VSNL1: variants seen among roughly 807,000 people sequenced by gnomAD.
The protein encoded by VSNL1 is visinin like 1, also known as visinin-like protein 1.
VSNL1 carries 6 observed loss-of-function variants against 20.4 expected under a neutral mutation model. The observed-to-expected ratio is 0.29, with a 90% CI of 0.16 to 0.58. VSNL1 has a LOEUF of 0.58. Among genes scored for constraint, VSNL1 ranks in the 20% least tolerant of loss-of-function variants. VSNL1 has a pLI of 0.90. For missense variants in VSNL1, 100 were observed against 234.5 expected (o/e 0.43, Z 3.75); for synonymous variants, 93 against 86.4 (o/e 1.08, Z -0.42).
intron 1 of VSNL1, among the ~76,000 whole-genome samples, chr2:17,563,277 G>T (rs529811530): frequency 3.3e-5 from 5 of 152,318 alleles, no homozygotes; most frequent in African/African-American, 1.2e-4. Flanking sequence ...AACAGAAGAG[G>T]ATAGTGAGGC....
In VSNL1 at chr2:17,592,167, CA is replaced by C. The variant is rs1445296842; in HGVS notation, c.96del (p.Gly33AspfsTer11). 1.2e-6 allele frequency: 2 copies of C among 1,613,766 alleles called. No individual in the cohort carries two copies. Among genetic ancestry groups the C allele is most frequent in the African/African-American group, 2.7e-5 (2 of 74,888 alleles). On this transcript the variant is annotated frameshift_variant, in exon 2 of 4. Transcript: ENST00000295156. LOFTEE classifies it high-confidence loss of function. Reference sequence around the variant, plus strand: ...ATGAGCATGAACTCAAGCAGTGGTACAAAGGATTTCTCAAGGACTGTCCAAG... The same window carrying C: ...ATGAGCATGAACTCAAGCAGTGGTACAAGGATTTCTCAAGGACTGTCCAAG... The part of the protein sequence containing the change: ...FNEHELKQWY[K>X]GFLKDCPSGR...
At chr2:17,540,448 A>G (rs747150758), upstream of VSNL1, among the ~76,000 whole-genome samples, 1 of 152,198 alleles carries the variant, frequency 6.6e-6, no homozygotes, top group South Asian at 2.1e-4. Context: ...CTTTTCCTAT[A>G]TACTTTCCTT....
intron 1 of VSNL1, among the ~76,000 whole-genome samples, chr2:17,583,224 C>T (rs889256934): frequency 2.6e-5 from 4 of 152,180 alleles, no homozygotes; most frequent in African/African-American, 7.2e-5. Flanking sequence ...AATGCAAAGA[C>T]AGGGGTTGCA....
At chr2:17,633,830 A>G (rs1665692233) in intron 2 of VSNL1, among the ~76,000 whole-genome samples, 1 of 152,106 alleles carries the variant, frequency 6.6e-6, no homozygotes, top group South Asian at 2.1e-4. Context: ...TATGGGGTGG[A>G]AAGGAAAGAG....
At chr2:17,606,492 C>G (rs149026016) in intron 2 of VSNL1, among the ~76,000 whole-genome samples, 2 of 152,302 alleles carry the variant, frequency 1.3e-5, no homozygotes, top group Non-Finnish European at 2.9e-5. Context: ...CTGACAGTGC[C>G]TACACTTCTA....
rs551297439 is a variant in VSNL1 at position 17,637,455 on chromosome 2, T to C, written c.163-11955T>C. Reference sequence around the variant, plus strand: ...ATCTGCCCAGGCTGGGCTTTGTTTCTGTTTCCCACAGCACCTCCTGTACGC... The same window carrying C: ...ATCTGCCCAGGCTGGGCTTTGTTTCCGTTTCCCACAGCACCTCCTGTACGC... On this transcript the variant is annotated intron_variant, in intron 2 of 3. Coordinates refer to ENST00000295156, the MANE Select transcript of VSNL1 (RefSeq NM_003385.5). Among the ~76,000 whole-genome samples the C allele has an allele frequency of 7.2e-5, 11 of 152,278 alleles. No homozygotes were observed. In the South Asian group the frequency reaches 2.3e-3, roughly 32 times the overall value.
In VSNL1 at chr2:17,645,049, C is replaced by T. The variant is rs553653967; in HGVS notation, c.163-4361C>T. On this transcript the variant is annotated intron_variant, in intron 2 of 3. Coordinates refer to ENST00000295156, the MANE Select transcript of VSNL1 (RefSeq NM_003385.5). ...CAGACCTCTCCAAGACTGTGAGCAG[C>T]GGAGCAGTCCAAGAATACTCTTCTG... Among the ~76,000 whole-genome samples the T allele has an allele frequency of 7.9e-5, 12 of 152,370 alleles. No individual in the cohort carries two copies. In the East Asian group the frequency reaches 2.1e-3, roughly 27 times the overall value.
intron 1 of VSNL1, among the ~76,000 whole-genome samples, chr2:17,562,268 A>G (rs2103349009): frequency 6.6e-6 from 1 of 152,352 alleles, no homozygotes; most frequent in African/African-American, 2.4e-5. Context: ...TTTGAAAAAT[A>G]ATGCAATATG....
chr2:17,622,194 AATCTTC>A (rs1665374658), intron 2 of VSNL1, among the ~76,000 whole-genome samples: 1 of 150,346 alleles, frequency 6.7e-6, no homozygotes, highest in Admixed American at 6.6e-5. Context: ...TGAACATAAA[AATCTTC>A]AGACTCTATC....
chr2:17,579,819 C>T (rs979898131), intron 1 of VSNL1, among the ~76,000 whole-genome samples: 10 of 152,144 alleles, frequency 6.6e-5, no homozygotes, highest in African/African-American at 2.4e-4. Flanking sequence ...ACTCCCTTTA[C>T]AAACAATGAA....
chr2:17,602,667 G>A (rs1006929569), intron 2 of VSNL1, among the ~76,000 whole-genome samples: 4 of 152,108 alleles, frequency 2.6e-5, no homozygotes, highest in African/African-American at 9.7e-5. Flanking sequence ...TTAAACCTAG[G>A]AGGCGGCAGT....
intron 1 of VSNL1, among the ~76,000 whole-genome samples, chr2:17,587,870 A>G (rs1572349742): frequency 6.6e-6 from 1 of 152,220 alleles, no homozygotes; most frequent in South Asian, 2.1e-4. Context: ...AAAGGGGTCA[A>G]TAGTTTATAT....
chr2:17,656,182 G>C lies in VSNL1; in HGVS notation c.*788G>C, dbSNP rs749803681. The C allele has an allele frequency of 1.3e-5, 2 of 152,122 alleles. No homozygotes were observed. The highest frequency in any genetic ancestry group is 2.9e-5 in the Non-Finnish European group (2 of 68,010). 9.4% of individuals were successfully genotyped at this position (152,122 alleles called of 1,614,324 possible). A position where few individuals can be genotyped will look rare whatever the true frequency, so the allele number is the denominator to read the frequency against. Reference sequence around the variant, plus strand: ...TGTCCCAAATAAATTTATAACAATTGATTTTCCCCCTAATTCTTATTTTAT... The same window carrying C: ...TGTCCCAAATAAATTTATAACAATTCATTTTCCCCCTAATTCTTATTTTAT... On this transcript the variant is annotated 3_prime_UTR_variant, in exon 4 of 4. Coordinates refer to ENST00000295156, the MANE Select transcript of VSNL1 (RefSeq NM_003385.5).
At chr2:17,562,179 T>C (rs62131516) in intron 1 of VSNL1, among the ~76,000 whole-genome samples, 4,463 of 152,300 alleles carry the variant, frequency 0.029, 64 homozygotes, top group Middle Eastern at 0.054. Flanking sequence ...AAAGAACACA[T>C]AGTGACAAAT....
chr2:17,593,265 C>T (rs920553787), intron 2 of VSNL1, among the ~76,000 whole-genome samples: 2 of 152,020 alleles, frequency 1.3e-5, no homozygotes, highest in African/African-American at 4.8e-5. Flanking sequence ...AATGGTAAAA[C>T]TGGGAAACAA....
chr2:17,544,248 A>G (rs1347613109), intron 1 of VSNL1, among the ~76,000 whole-genome samples: 1 of 152,134 alleles, frequency 6.6e-6, no homozygotes, highest in Non-Finnish European at 1.5e-5. Context: ...CTGTTGGTAA[A>G]TCTTTACAGA....
At chr2:17,637,910 C>T (rs1299507593) in intron 2 of VSNL1, among the ~76,000 whole-genome samples, 1 of 152,208 alleles carries the variant, frequency 6.6e-6, no homozygotes, top group Non-Finnish European at 1.5e-5. Flanking sequence ...CGGACGTGGT[C>T]TCACATAACT....
chr2:17,569,879 C>A (rs952729842), intron 1 of VSNL1, among the ~76,000 whole-genome samples: 2 of 152,138 alleles, frequency 1.3e-5, no homozygotes, highest in African/African-American at 4.8e-5. Flanking sequence ...CATAATAGTT[C>A]CGTGATGTTT....
chr2:17,587,101 A>G (rs539194016), intron 1 of VSNL1, among the ~76,000 whole-genome samples: 3 of 152,142 alleles, frequency 2.0e-5, no homozygotes, highest in African/African-American at 7.2e-5. Context: ...TCTCAGCCCT[A>G]TTTCCAAGGT....
Sources: gnomAD v4.1 joint callset for allele counts (sites outside exome capture counted in the v4.1 genomes callset) on GRCh38, gnomAD v4.1.1 for gene constraint, MANE v1.5 for transcripts, NCBI Gene and HGNC (gene_info 2026-07-23, HGNC 2026-07-21) for gene names.